Variants in RAPGEF4 observed in about 807,000 individuals in gnomAD.
RAPGEF4 encodes the protein RAP guanine-nucleotide-exchange factor (GEF) 4.
Under a neutral mutation model 147.9 loss-of-function variants are expected in RAPGEF4, and 66 were observed. The ratio of observed to expected loss-of-function variants is 0.45; its 90% CI spans 0.37 to 0.55. The LOEUF is 0.55. RAPGEF4 is among the 20% of genes least tolerant of loss of function. The pLI, the probability that RAPGEF4 is intolerant of heterozygous loss-of-function variation, is 0.00. For missense variants in RAPGEF4, 1,071 were observed against 1,257.3 expected (o/e 0.85, Z 2.24); for synonymous variants, 419 against 442.7 (o/e 0.95, Z 0.67).
intron 7 of RAPGEF4, 77 bp downstream of exon 7, chr2:172,960,890 G>A: frequency 8.1e-7 from 1 of 1,229,246 alleles, no homozygotes; most frequent in South Asian, 1.3e-5. Context: ...ATATGTCAGG[G>A]GATCACATCA....
At chr2:172,812,660 C>T (rs572328758) in intron 3 of RAPGEF4, among the ~76,000 whole-genome samples, 11 of 152,238 alleles carry the variant, frequency 7.2e-5, no homozygotes, top group South Asian at 4.2e-4. Context: ...CATTATACTT[C>T]GCAAATAACC....
chr2:172,738,198 A>G (rs1693987881), intron 1 of RAPGEF4, among the ~76,000 whole-genome samples: 1 of 152,314 alleles, frequency 6.6e-6, no homozygotes, highest in East Asian at 1.9e-4. Context: ...CACTGCCCTC[A>G]ATGTTTCTGA....
chr2:172,879,962 G>A (rs1346719169), intron 4 of RAPGEF4, among the ~76,000 whole-genome samples: 2 of 152,182 alleles, frequency 1.3e-5, no homozygotes. Context: ...TATTTTGGTA[G>A]TGGTTGGTCC....
At chr2:172,929,798 A>G (rs1226069641) in intron 6 of RAPGEF4, among the ~76,000 whole-genome samples, 32 of 152,188 alleles carry the variant, frequency 2.1e-4, no homozygotes, top group Admixed American at 2.0e-3. Flanking sequence ...TGCTCATGTC[A>G]TCAGGGTAGT....
chr2:172,995,571 C>A lies in RAPGEF4; in HGVS notation c.1491-895C>A, dbSNP rs143626137. ...CTAGGATTACAGACGTGAGCCACTG[C>A]GCCTGGCCCCTACTTGCCTGTTATT... On this transcript the variant is annotated intron_variant, in intron 15 of 30. Transcript: ENST00000397081. Among the ~76,000 whole-genome samples the A allele has an allele frequency of 1.9e-3, 291 of 152,172 alleles. 2 individuals carry two copies. The highest frequency in any genetic ancestry group is 6.2e-3 in the African/African-American group (257 of 41,488).
At chr2:172,988,122 T>A in intron 12 of RAPGEF4, 74 bp from the exon 13 acceptor site, 1 of 1,481,240 alleles carries the variant, frequency 6.8e-7, no homozygotes, top group Non-Finnish European at 8.9e-7. Flanking sequence ...CTTAAAGTGA[T>A]GATTTGATAA....
At chr2:172,831,078 C>G (rs1690254667) in intron 4 of RAPGEF4, among the ~76,000 whole-genome samples, 1 of 152,022 alleles carries the variant, frequency 6.6e-6, no homozygotes, top group African/African-American at 2.4e-5. Flanking sequence ...ATTACTGAAA[C>G]TGTCAAGGCA....
chr2:172,876,988 C>T (rs540626580), intron 4 of RAPGEF4, among the ~76,000 whole-genome samples: 6 of 152,146 alleles, frequency 3.9e-5, no homozygotes, highest in Non-Finnish European at 5.9e-5. Context: ...GTGTAGGTGT[C>T]GAGGAATTTA....
chr2:172,881,163 G>T (rs1696576479), intron 4 of RAPGEF4, among the ~76,000 whole-genome samples: 1 of 152,150 alleles, frequency 6.6e-6, no homozygotes, highest in African/African-American at 2.4e-5. Context: ...TCTGATTTTT[G>T]AGTTCTTCTG....
intron 1 of RAPGEF4, among the ~76,000 whole-genome samples, chr2:172,764,897 G>T (rs1160168181): frequency 1.3e-5 from 2 of 152,164 alleles, no homozygotes; most frequent in African/African-American, 2.4e-5. Flanking sequence ...GCCCTGGGAA[G>T]GTGAATTTCT....
intron 15 of RAPGEF4, 34 bp downstream of exon 15, chr2:172,990,959 T>C: frequency 1.4e-6 from 2 of 1,460,776 alleles, no homozygotes; most frequent in Non-Finnish European, 9.6e-7. Context: ...ATTGCCAGAC[T>C]ATGATTAACC....
intron 30 of RAPGEF4, among the ~76,000 whole-genome samples, chr2:173,049,292 A>G (rs1323123266): frequency 1.3e-5 from 2 of 152,212 alleles, no homozygotes; most frequent in Admixed American, 6.5e-5. Flanking sequence ...AAGTTGCATC[A>G]TAGCACCAGA....
intron 6 of RAPGEF4, among the ~76,000 whole-genome samples, chr2:172,938,429 A>G (rs938552175): frequency 2.0e-5 from 3 of 152,104 alleles, no homozygotes; most frequent in African/African-American, 4.8e-5. Context: ...TAATTCGCAT[A>G]TACATTTACA....
Position 173,011,168 on chromosome 2 carries a change from G to GCA in RAPGEF4, c.1659-3295_1659-3294insAC, listed in dbSNP as rs72255787. On this transcript the variant is annotated intron_variant, in intron 17 of 30. Coordinates refer to ENST00000397081, the MANE Select transcript of RAPGEF4 (RefSeq NM_007023.4). ...GGAACCTTGGAACTTCAGCGCGCGCGCGCACACACACACACACACACACAC... is the reference window on the plus strand; with the variant it reads ...GGAACCTTGGAACTTCAGCGCGCGCGCACGCACACACACACACACACACACAC... Among the ~76,000 whole-genome samples, 157 of 59,868 alleles carry GCA rather than the reference G, an allele frequency of 2.6e-3. 1 individual carries two copies. Among genetic ancestry groups the GCA allele is most frequent in the African/African-American group, 9.9e-3 (141 of 14,274 alleles). The allele number at this position is 59,868 out of a possible 152,430, so 39.3% of individuals were successfully genotyped here. A position where few individuals can be genotyped will look rare whatever the true frequency, so the allele number is the denominator to read the frequency against.
At chr2:172,970,997 G>A (rs1201801717) in intron 10 of RAPGEF4, among the ~76,000 whole-genome samples, 1 of 152,170 alleles carries the variant, frequency 6.6e-6, no homozygotes, top group Admixed American at 6.6e-5. Flanking sequence ...CACTGAATGA[G>A]CTCTCCAAGC....
intron 16 of RAPGEF4, among the ~76,000 whole-genome samples, chr2:172,997,912 A>G (rs1215230058): frequency 6.6e-6 from 1 of 152,200 alleles, no homozygotes; most frequent in Non-Finnish European, 1.5e-5. Context: ...CTCATTTTAT[A>G]CATAGATTAC....
chr2:172,876,406 T>A (rs1575109879), intron 4 of RAPGEF4, among the ~76,000 whole-genome samples: 1 of 152,222 alleles, frequency 6.6e-6, no homozygotes, highest in African/African-American at 2.4e-5. Context: ...AGCTCTTATT[T>A]TTTTGAGATA....
chr2:172,780,563 C>G (rs566887568), intron 1 of RAPGEF4, among the ~76,000 whole-genome samples: 2 of 152,082 alleles, frequency 1.3e-5, no homozygotes, highest in Non-Finnish European at 2.9e-5. Context: ...AGGCAAATAG[C>G]GGGAGGGCAG....
At chr2:172,828,352 G>A (rs1331653176) in intron 4 of RAPGEF4, among the ~76,000 whole-genome samples, 1 of 152,152 alleles carries the variant, frequency 6.6e-6, no homozygotes, top group Admixed American at 6.5e-5. Context: ...TTTCTGATGT[G>A]ACATATCTTC....
Sources: gnomAD v4.1 joint callset for allele counts (sites outside exome capture counted in the v4.1 genomes callset) on GRCh38, gnomAD v4.1.1 for gene constraint, MANE v1.5 for transcripts, NCBI Gene and HGNC (gene_info 2026-07-23, HGNC 2026-07-21) for gene names.